The following TMEM62 variants were observed in gnomAD, a reference collection of about 807,000 sequenced individuals.
TMEM62 encodes the protein transmembrane protein 62.
Under a neutral mutation model 70.4 loss-of-function variants are expected in TMEM62, and 41 were observed. The ratio of observed to expected loss-of-function variants is 0.58; its 90% confidence interval spans 0.45 to 0.76. TMEM62 has a LOEUF of 0.76. TMEM62 is among the 30% of genes least tolerant of loss of function. The pLI, the probability that TMEM62 is intolerant of heterozygous loss-of-function variation, is 0.00. For synonymous variants in TMEM62, 268 were observed against 291.0 expected (o/e 0.92, Z 0.80); for missense variants, 688 against 788.5 (o/e 0.87, Z 1.53).
chr15:43,160,199 C>G (rs1341755939), intron 9 of TMEM62: 1 of 152,092 alleles, frequency 6.6e-6, no homozygotes, highest in Admixed American at 6.6e-5. Flanking sequence ...GAACGCCTGG[C>G]CTCAAGTGAT....
At chr15:43,173,636 C>T (rs961551439) in intron 11 of TMEM62, among the ~76,000 whole-genome samples, 1 of 152,148 alleles carries the variant, frequency 6.6e-6, no homozygotes, top group African/African-American at 2.4e-5. Flanking sequence ...CTAAACTTAT[C>T]TAAATCTTAG....
At chr15:43,156,321 G>A (rs1309514511) in intron 9 of TMEM62, among the ~76,000 whole-genome samples, 2 of 152,172 alleles carry the variant, frequency 1.3e-5, no homozygotes, top group Non-Finnish European at 2.9e-5. Context: ...CCCTTGGTTT[G>A]TAAATGGAGA....
chr15:43,167,808 C>T (rs943873342), intron 10 of TMEM62, among the ~76,000 whole-genome samples: 5 of 152,156 alleles, frequency 3.3e-5, no homozygotes, highest in Admixed American at 6.5e-5. Flanking sequence ...GCCGAGATCA[C>T]GCCACTGCAC....
chr15:43,142,264 C>G (rs1416308454), intron 4 of TMEM62, among the ~76,000 whole-genome samples: 1 of 149,364 alleles, frequency 6.7e-6, no homozygotes, highest in Non-Finnish European at 1.5e-5. Flanking sequence ...CTCCCGGGTT[C>G]AAGCAATTCT....
intron 9 of TMEM62, among the ~76,000 whole-genome samples, chr15:43,156,122 G>A (rs1425354725): frequency 1.3e-5 from 2 of 152,046 alleles, no homozygotes; most frequent in African/African-American, 4.8e-5. Flanking sequence ...CTAATATTAA[G>A]ACTTAATTTG....
chr15:43,176,977 C>A (rs560718555), intron 11 of TMEM62, among the ~76,000 whole-genome samples: 2 of 151,964 alleles, frequency 1.3e-5, no homozygotes, highest in Admixed American at 1.3e-4. Flanking sequence ...ATAACCAATA[C>A]AGAGAAGTGC....
chr15:43,144,787 G>A (rs1438081038), intron 4 of TMEM62, among the ~76,000 whole-genome samples: 4 of 152,188 alleles, frequency 2.6e-5, no homozygotes, highest in Non-Finnish European at 5.9e-5. Context: ...CTTTCATGGT[G>A]ACTGTGGGGA....
rs779755553 is a variant in TMEM62, at chr15:43,151,793, C to A, written c.870C>A (p.Tyr290Ter). The A allele has an allele frequency of 6.2e-7, 1 of 1,612,838 alleles. No individual in the cohort carries two copies. Among genetic ancestry groups the A allele is most frequent in the Non-Finnish European group, 8.5e-7 (1 of 1,179,546 alleles). Residue 290 changes from tyrosine (Y) to a stop codon, truncating the protein, a stop_gained, in exon 8 of 14, where the codon TAC (tyrosine) becomes TAA (stop). Transcript: ENST00000260403. LOFTEE classifies it high-confidence loss of function. ...CTTATCATTATCTGGTCTTTAGGTA[C>A]CGGATTTTTGCTTTTGATCACGACC... ...EVGDWKDNRR[Y>*]RIFAFDHDLF...
At chr15:43,160,551 A>G in intron 9 of TMEM62, 130 bp from the exon 10 acceptor site, 1 of 605,660 alleles carries the variant, frequency 1.7e-6, no homozygotes, top group South Asian at 2.2e-5. Flanking sequence ...AAAAACAACA[A>G]CAACAACAAC....
Position 43,133,946 on chromosome 15 carries a change from AG to A in TMEM62, c.147del (p.Gly51GlufsTer16). ...CCCCCAGGAGGCCGCACCCTGCGCC[AG>A]GGCCCGGAGACAGCAACATCTTCTG... is the stretch of plus-strand genomic sequence containing the variant. The part of the protein sequence containing the change: ...APPRRPHPAP[G>X]PGDSNIFWGL... On this transcript the variant is annotated frameshift_variant, in exon 1 of 14. Coordinates refer to ENST00000260403, the MANE Select transcript of TMEM62 (RefSeq NM_024956.4). LOFTEE classifies it high-confidence loss of function. The A allele has an allele frequency of 6.8e-7, 1 of 1,465,416 alleles. No homozygotes were observed. The highest frequency in any genetic ancestry group is 8.9e-7 in the Non-Finnish European group (1 of 1,118,578). The allele number at this position is 1,465,416 out of a possible 1,614,324, so 90.8% of individuals were successfully genotyped here. A position where few individuals can be genotyped will look rare whatever the true frequency, so the allele number is the denominator to read the frequency against.
At chr15:43,140,850 C>T (rs139387938) in intron 4 of TMEM62, among the ~76,000 whole-genome samples, 4 of 152,308 alleles carry the variant, frequency 2.6e-5, no homozygotes, top group African/African-American at 7.2e-5. Context: ...TCCAAACCCG[C>T]GCCCGGCTTC....
intron 7 of TMEM62, 46 bp from the exon 8 acceptor site, chr15:43,151,744 T>C (rs1336817706): frequency 8.9e-6 from 14 of 1,581,448 alleles, no homozygotes; most frequent in Non-Finnish European, 1.2e-5. Context: ...CATGACCTCT[T>C]ACAATGTGAA....
chr15:43,178,781 A>ATT, intron 12 of TMEM62, 70 bp downstream of exon 12: 1 of 882,352 alleles, frequency 1.1e-6, no homozygotes, highest in Admixed American at 2.4e-5. Context: ...CAATAGAATT[A>ATT]GACTCTTGAG....
Position 43,133,897 on chromosome 15 carries a change from C to A in TMEM62, c.95C>A (p.Pro32His). The stretch of plus-strand genomic sequence containing the variant: ...GAGCACTACGGCCTGGCGGGCCAGC[C>A]CTCGCCGCTGCCGCGCCCCGCGCCC... The part of the protein sequence containing the change: ...LLEHYGLAGQ[P>H]SPLPRPAPPR... The change falls in exon 1 of 14, where the codon CCC (proline) becomes CAC (histidine). Residue 32 changes from proline (P) to histidine (H), a missense_variant. By Grantham distance (77) the Pro-to-His change is moderately conservative. Coordinates refer to ENST00000260403, the MANE Select transcript of TMEM62 (RefSeq NM_024956.4). 2.7e-6 allele frequency: 4 copies of A among 1,500,662 alleles called. No homozygotes were observed. The highest frequency in any genetic ancestry group is 1.3e-5 in the South Asian group (1 of 79,996). 93.0% of individuals were successfully genotyped at this position (1,500,662 alleles called of 1,614,324 possible).
rs578008281 is a variant in TMEM62 at position 43,165,609 on chromosome 15, T to A, written c.1297-3984T>A. 3.9e-3 allele frequency among the ~76,000 whole-genome samples: 586 copies of A among 152,024 alleles called. 2 individuals carry two copies. Among genetic ancestry groups the A allele is most frequent in the African/African-American group, 0.014 (560 of 41,478 alleles). On this transcript the variant is annotated intron_variant, in intron 10 of 13. Transcript: ENST00000260403. ...TTAGCCCGGTGTGGTGGCGGGCACC[T>A]GTAGTCTCAGCTACTCGGGAGGCTG...
At chr15:43,160,605 A>G in intron 9 of TMEM62, 76 bp from the exon 10 acceptor site, 3 of 735,492 alleles carry the variant, frequency 4.1e-6, no homozygotes, top group South Asian at 4.0e-5. Context: ...TTAGAAACCT[A>G]TTCTTATTTT....
Position 43,146,575 on chromosome 15 carries a change from G to C in TMEM62, c.559G>C (p.Asp187His). ...PFGNYSFICV[D>H]ATVNPGPKRP... ...TGGCAACTATTCGTTCATCTGTGTA[G>C]ATGCCACTGTAAATCCAGGGCCTAA... Residue 187 changes from aspartate (D) to histidine (H), a missense_variant, in exon 5 of 14, where the codon GAT becomes CAT. Coordinates refer to ENST00000260403, the MANE Select transcript of TMEM62 (RefSeq NM_024956.4). The C allele has an allele frequency of 2.5e-6, 4 of 1,613,722 alleles. No individual in the cohort carries two copies. The highest frequency in any genetic ancestry group is 3.4e-6 in the Non-Finnish European group (4 of 1,179,724).
intron 7 of TMEM62, among the ~76,000 whole-genome samples, 161 bp downstream of exon 7, chr15:43,149,312 C>T (rs1029532018): frequency 1.3e-5 from 2 of 151,972 alleles, no homozygotes; most frequent in African/African-American, 2.4e-5. Flanking sequence ...TGTCATTTTG[C>T]GGAAACCTTG....
chr15:43,142,336 T>C (rs1331299671), intron 4 of TMEM62, among the ~76,000 whole-genome samples: 1 of 151,706 alleles, frequency 6.6e-6, no homozygotes, highest in Non-Finnish European at 1.5e-5. Flanking sequence ...CCGCTAATTT[T>C]TATATTTTAG....
Sources: gnomAD v4.1 joint callset for allele counts (sites outside exome capture counted in the v4.1 genomes callset) on GRCh38, gnomAD v4.1.1 for gene constraint, MANE v1.5 for transcripts, NCBI Gene and HGNC (gene_info 2026-07-23, HGNC 2026-07-21) for gene names.